MLIP: variants seen among roughly 807,000 people sequenced by gnomAD.
MLIP encodes the protein muscular LMNA interacting protein.
Under a neutral mutation model 84.8 loss-of-function variants are expected in MLIP, and 79 were observed. That is an observed-to-expected ratio of 0.93 (90% CI 0.78 to 1.12). MLIP has a LOEUF of 1.12. Ranked by LOEUF, MLIP falls within the 50% of genes most tolerant of loss-of-function variation. The pLI, the probability that MLIP is intolerant of heterozygous loss-of-function variation, is 0.00. For synonymous variants in MLIP, 504 were observed against 463.0 expected, an observed-to-expected ratio of 1.09 and a Z score of -1.14; for missense variants, 1,257 against 1,160.6, an observed-to-expected ratio of 1.08 and a Z score of -1.21.
rs1349952825 is a variant in MLIP, at chr6:54,067,978, T to C, written c.63+48887T>C. Among the ~76,000 whole-genome samples, 3 of 98,230 alleles carry C rather than the reference T, an allele frequency of 3.1e-5. 1 individual carries two copies. The highest frequency in any genetic ancestry group is 7.7e-5 in the African/African-American group (3 of 38,764). 64.4% of individuals were successfully genotyped at this position (98,230 alleles called of 152,430 possible). ...GGGTTTATACTGGCCAGGTTCTCCT[T>C]TGGGTACCCATCTCAAGTCCTTTCT... On this transcript the variant is annotated intron_variant, in intron 1 of 12. Transcript: ENST00000274897.
Position 54,230,842 on chromosome 6 carries a change from C to A in MLIP, c.2847C>A (p.Phe949Leu). 6.2e-7 allele frequency: 1 copy of A among 1,614,010 alleles called. No individual in the cohort carries two copies. The highest frequency in any genetic ancestry group is 1.1e-5 in the South Asian group (1 of 91,070). Residue 949 changes from phenylalanine to leucine, a missense_variant, in exon 12 of 14, where the codon TTC becomes TTA. Phe to Leu is a conservative substitution (Grantham distance 22). Coordinates refer to ENST00000502396, the MANE Select transcript of MLIP (RefSeq NM_001281747.2). Reference sequence around the variant, plus strand: ...CTGACTGTCTTGCCCCAGGACCCTTCAGTCATCTGTCCTTCTCCTTGAGTG... The same window carrying A: ...CTGACTGTCTTGCCCCAGGACCCTTAAGTCATCTGTCCTTCTCCTTGAGTG... ...SHADCLAPGPFSHLSFSLSDE... is the reference protein window; with the variant it reads ...SHADCLAPGPLSHLSFSLSDE...
chr6:54,093,231 C>T (rs968636639), intron 1 of MLIP, among the ~76,000 whole-genome samples: 1 of 152,024 alleles, frequency 6.6e-6, no homozygotes, highest in South Asian at 2.1e-4. Flanking sequence ...GGTCCAGTGG[C>T]TTTCAAATTT....
At chr6:54,020,796 T>A (rs529507154) in intron 1 of MLIP, among the ~76,000 whole-genome samples, 51 of 152,298 alleles carry the variant, frequency 3.3e-4, no homozygotes, top group African/African-American at 1.2e-3. Flanking sequence ...AGCCTCAGAT[T>A]GACTTCCAAA....
rs1773174582 is a variant in MLIP at position 54,149,128 on chromosome 6, G to A, written c.2289+1G>A. 1.2e-6 allele frequency: 2 copies of A among 1,611,328 alleles called. No individual in the cohort carries two copies. The highest frequency in any genetic ancestry group is 1.7e-6 in the Non-Finnish European group (2 of 1,178,136). ...AAACACATTGCTTTTGGAACAGAAG[G>A]TCAGTGTTGGCTCAAAAACAGTGAA... is the stretch of plus-strand genomic sequence containing the variant. On this transcript the variant is annotated splice_donor_variant, in intron 5 of 13. Coordinates refer to ENST00000502396, the MANE Select transcript of MLIP (RefSeq NM_001281747.2). LOFTEE classifies it high-confidence loss of function.
intron 1 of MLIP, among the ~76,000 whole-genome samples, chr6:54,105,026 C>G (rs1421043808): frequency 2.0e-5 from 3 of 152,112 alleles, no homozygotes. Flanking sequence ...AAGAAGGGCA[C>G]GTTGGATAAC....
intron 1 of MLIP, among the ~76,000 whole-genome samples, chr6:54,054,470 A>G (rs543525880): frequency 1.3e-5 from 2 of 151,498 alleles, no homozygotes; most frequent in East Asian, 1.9e-4. Flanking sequence ...CTTGAGATTC[A>G]GTACTGTATC....
At chr6:54,138,539 G>A (rs1310946491) in intron 4 of MLIP, among the ~76,000 whole-genome samples, 1 of 152,020 alleles carries the variant, frequency 6.6e-6, no homozygotes, top group African/African-American at 2.4e-5. Flanking sequence ...TTATATCTAT[G>A]ACTCCAAGGG....
chr6:54,238,636 A>G (rs550851427), intron 12 of MLIP, among the ~76,000 whole-genome samples: 1 of 152,314 alleles, frequency 6.6e-6, no homozygotes, highest in South Asian at 2.1e-4. Context: ...CTTCACAGTC[A>G]GGATGACTTT....
At chr6:54,080,236 C>G (rs1767050028) in intron 1 of MLIP, among the ~76,000 whole-genome samples, 1 of 152,158 alleles carries the variant, frequency 6.6e-6, no homozygotes, top group Non-Finnish European at 1.5e-5. Flanking sequence ...ATGTACCTTA[C>G]TGTATTATTC....
At chr6:54,084,879 C>G (rs757022796) in intron 1 of MLIP, among the ~76,000 whole-genome samples, 8 of 152,152 alleles carry the variant, frequency 5.3e-5, no homozygotes, top group Non-Finnish European at 1.0e-4. Context: ...GCTTCATTTA[C>G]TTTCTGTCTA....
At chr6:54,103,057 C>T (rs1421034598) in intron 1 of MLIP, among the ~76,000 whole-genome samples, 2 of 152,006 alleles carry the variant, frequency 1.3e-5, no homozygotes, top group African/African-American at 2.4e-5. Flanking sequence ...TTTCTTAGAG[C>T]TCAGCAGGGC....
At chr6:54,033,888 T>C (rs574231119) in intron 1 of MLIP, among the ~76,000 whole-genome samples, 3 of 152,296 alleles carry the variant, frequency 2.0e-5, no homozygotes, top group East Asian at 1.9e-4. Context: ...CTTACTACTA[T>C]AGACTCTAAG....
intron 11 of MLIP, among the ~76,000 whole-genome samples, chr6:54,206,647 T>C (rs1779051876): frequency 6.6e-6 from 1 of 152,160 alleles, no homozygotes; most frequent in Non-Finnish European, 1.5e-5. Flanking sequence ...TTTAGACATC[T>C]GACTTGCCTC....
chr6:54,103,829 C>T (rs915922653), intron 1 of MLIP, among the ~76,000 whole-genome samples: 13 of 151,918 alleles, frequency 8.6e-5, no homozygotes, highest in Non-Finnish European at 1.3e-4. Context: ...TTTATGTTGC[C>T]CAAGTATGTG....
chr6:54,207,066 C>A (rs1562057274), intron 11 of MLIP, among the ~76,000 whole-genome samples: 1 of 151,462 alleles, frequency 6.6e-6, no homozygotes, highest in Non-Finnish European at 1.5e-5. Context: ...AGGAAAGCTG[C>A]AATTTCTTGT....
chr6:54,215,189 C>T (rs1367598654), intron 11 of MLIP: 1 of 1,535,284 alleles, frequency 6.5e-7, no homozygotes, highest in Admixed American at 2.0e-5. Context: ...ACGTCTGGTC[C>T]TTGGCTCCTC....
intron 1 of MLIP, among the ~76,000 whole-genome samples, chr6:54,120,322 CCTCCTGGGTTCACGCCATT>C (rs1379145282): frequency 1.3e-5 from 2 of 152,102 alleles, no homozygotes; most frequent in East Asian, 3.9e-4. Flanking sequence ...GCAAGCTCCG[CCTCCTGGGTTCACGCCATT>C]CTCCTGCTTC....
chr6:54,192,506 T>A (rs1456924032), intron 10 of MLIP, among the ~76,000 whole-genome samples: 1 of 152,120 alleles, frequency 6.6e-6, no homozygotes, highest in South Asian at 2.1e-4. Context: ...TTTATAAAGT[T>A]ATAATTTTTT....
At chr6:54,191,912 A>G (rs1394593901) in intron 10 of MLIP, among the ~76,000 whole-genome samples, 2 of 151,730 alleles carry the variant, frequency 1.3e-5, no homozygotes, top group Non-Finnish European at 2.9e-5. Context: ...CTATATATAC[A>G]TGTGTAGGTG....
Sources: allele counts gnomAD v4.1 joint callset (sites outside exome capture counted in the v4.1 genomes callset), GRCh38; gene constraint gnomAD v4.1.1; transcripts MANE v1.5; gene names NCBI Gene and HGNC (gene_info 2026-07-23, HGNC 2026-07-21).